The following RNF10 variants were observed in gnomAD, a reference collection of about 807,000 sequenced individuals.
RNF10 encodes ring finger protein 10, also known as E3 ubiquitin-protein ligase RNF10.
A neutral mutation model predicts 91.4 loss-of-function variants in RNF10; 38 were observed. The ratio of observed to expected loss-of-function variants is 0.42; its 90% CI spans 0.32 to 0.54. The LOEUF (loss-of-function observed/expected upper bound fraction) is 0.54, where lower values mean the gene tolerates loss of function less well. Among genes scored for constraint, RNF10 ranks in the 20% least tolerant of loss-of-function variants. The pLI, the probability that RNF10 is intolerant of heterozygous loss-of-function variation, is 0.16. For missense variants in RNF10, 945 were observed against 1,012.0 expected (o/e 0.93, Z 0.90); for synonymous variants, 364 against 366.3 (o/e 0.99, Z 0.07).
intron 6 of RNF10, 83 bp from the exon 7 acceptor site, chr12:120,560,643 G>T: frequency 7.5e-7 from 1 of 1,342,156 alleles, no homozygotes; most frequent in East Asian, 2.3e-5. Context: ...CAGAGAAAAG[G>T]CTGTATTTGA....
At chr12:120,540,735 G>A (rs984572762) in intron 1 of RNF10, among the ~76,000 whole-genome samples, 8 of 152,170 alleles carry the variant, frequency 5.3e-5, no homozygotes, top group African/African-American at 1.9e-4. Context: ...TTTTGGAAAT[G>A]AGCAGTTTAC....
chr12:120,560,929 G>C (rs532645060), intron 7 of RNF10, 43 bp downstream of exon 7: 3 of 1,587,780 alleles, frequency 1.9e-6, no homozygotes, highest in Non-Finnish European at 2.6e-6. Context: ...TCACTTTCTC[G>C]GCGTTCTGTG....
intron 2 of RNF10, among the ~76,000 whole-genome samples, chr12:120,548,388 C>G (rs787830): frequency 0.27 from 40,526 of 151,914 alleles, 6,569 homozygotes; most frequent in Admixed American, 0.39. Flanking sequence ...GATAAGAAAC[C>G]AGCAGAAGAG....
chr12:120,560,723 T>C lies in RNF10; in HGVS notation c.968-3T>C, dbSNP rs770554243. On this transcript the variant is annotated splice_polypyrimidine_tract_variant and splice_region_variant and intron_variant, in intron 6 of 16. Coordinates refer to ENST00000325954, the MANE Select transcript of RNF10 (RefSeq NM_014868.5). ...TTCTTTGATCTTGCTGGCATTCTTA[T>C]AGATGAACAGCACAGCCAGTACTCC... 6.2e-6 allele frequency: 10 copies of C among 1,611,080 alleles called. No individual in the cohort carries two copies. The South Asian group carries it at 6.6e-5, about 11-fold the overall frequency.
chr12:120,571,427 G>C, intron 14 of RNF10, 136 bp downstream of exon 14: 1 of 681,226 alleles, frequency 1.5e-6, no homozygotes, highest in Non-Finnish European at 2.5e-6. Flanking sequence ...TGATGGGTAG[G>C]AGGGAAGTTA....
rs543800765 is a variant in RNF10, at chr12:120,554,441, C to A, written c.555-277C>A. ...TACTGCTGTTTGATGGAGTCACGGT[C>A]TAGGTTAATTTTAGTTCAAGGGATG... On this transcript the variant is annotated intron_variant, in intron 3 of 16. Coordinates refer to ENST00000325954, the MANE Select transcript of RNF10 (RefSeq NM_014868.5). 1.9e-3 allele frequency: 705 copies of A among 363,122 alleles called. 9 individuals carry two copies. The highest frequency in any genetic ancestry group is 0.014 in the African/African-American group (644 of 46,880). The allele number at this position is 363,122 out of a possible 1,614,324, so 22.5% of individuals were successfully genotyped here. A position where few individuals can be genotyped will look rare whatever the true frequency, so the allele number is the denominator to read the frequency against.
intron 14 of RNF10, chr12:120,575,390 T>C (rs1223878175): frequency 3.8e-6 from 2 of 522,500 alleles, no homozygotes; most frequent in Non-Finnish European, 6.9e-6. Context: ...CAGTGTTCTT[T>C]ACCCATTTCC....
intron 6 of RNF10, among the ~76,000 whole-genome samples, chr12:120,558,735 AT>A (rs1032152956): frequency 1.3e-5 from 2 of 150,414 alleles, no homozygotes; most frequent in Non-Finnish European, 1.5e-5. Flanking sequence ...TGCCTGGCTG[AT>A]TTTTTTTGTA....
chr12:120,566,720 C>G, intron 12 of RNF10, 105 bp from the exon 13 acceptor site: 1 of 1,059,648 alleles, frequency 9.4e-7, no homozygotes, highest in Non-Finnish European at 1.4e-6. Flanking sequence ...AGAGATCGTA[C>G]CACTACACTC....
chr12:120,571,236 C>T lies in RNF10; in HGVS notation c.2087C>T (p.Pro696Leu), dbSNP rs149816443. 460 of 1,613,934 alleles carry T rather than the reference C, an allele frequency of 2.9e-4. No homozygotes were observed. Among genetic ancestry groups the T allele is most frequent in the Non-Finnish European group, 3.6e-4 (429 of 1,180,006 alleles). ...PLSPTASQGS[P>L]SFCVGSLEED... ...TCACCCACTGCCAGTCAGGGCAGTC[C>T]CTCATTCTGCGTTGGGAGTCTGGAA... The change falls in exon 14 of 17, where the codon CCC becomes CTC. Residue 696 changes from proline (P) to leucine (L), a missense_variant. Coordinates refer to ENST00000325954, the MANE Select transcript of RNF10 (RefSeq NM_014868.5).
intron 6 of RNF10, among the ~76,000 whole-genome samples, chr12:120,558,577 A>AT (rs57516040): frequency 0.028 from 4,207 of 148,192 alleles, 193 homozygotes; most frequent in African/African-American, 0.099. Context: ...GTATATATAT[A>AT]TTTTTTTTTG....
intron 14 of RNF10, among the ~76,000 whole-genome samples, chr12:120,572,061 G>T (rs1399829797): frequency 6.9e-6 from 1 of 144,026 alleles, no homozygotes. Context: ...TATCTTGACA[G>T]TTTTTTTTTT....
intron 1 of RNF10, among the ~76,000 whole-genome samples, chr12:120,536,392 C>A (rs1178829507): frequency 6.6e-6 from 1 of 152,078 alleles, no homozygotes; most frequent in Admixed American, 6.6e-5. Context: ...ATACTGCATA[C>A]CATCCAGCCT....
chr12:120,569,073 C>T (rs1007028600), intron 13 of RNF10, among the ~76,000 whole-genome samples: 4 of 152,106 alleles, frequency 2.6e-5, no homozygotes, highest in African/African-American at 4.8e-5. Context: ...TGGGTTCAAG[C>T]GATTCTCCTG....
chr12:120,541,204 TA>T (rs564496675), intron 1 of RNF10, among the ~76,000 whole-genome samples: 319 of 152,304 alleles, frequency 2.1e-3, no homozygotes, highest in Non-Finnish European at 3.9e-3. Flanking sequence ...TGGCTTTACC[TA>T]AATCTATGCA....
chr12:120,566,182 C>T (rs924965688), intron 12 of RNF10, among the ~76,000 whole-genome samples: 4 of 152,116 alleles, frequency 2.6e-5, no homozygotes, highest in East Asian at 3.9e-4. Context: ...GTCCCAACAC[C>T]GTGTAGGTGT....
intron 4 of RNF10, 129 bp from the exon 5 acceptor site, chr12:120,557,153 T>C (rs984161080): frequency 3.2e-5 from 24 of 756,246 alleles, no homozygotes; most frequent in South Asian, 1.6e-4. Flanking sequence ...TAGAAAGATA[T>C]GTTGAGTATA....
In RNF10 at chr12:120,576,660, C is replaced by G; in HGVS notation, c.2430C>G (p.Thr810=). The G allele has an allele frequency of 6.2e-7, 1 of 1,613,200 alleles. No homozygotes were observed. Among genetic ancestry groups the G allele is most frequent in the Non-Finnish European group, 8.5e-7 (1 of 1,179,684 alleles). ...KLLFSTSVVH[T]K is the part of the protein sequence containing the mutation. ...TGTTCAGCACCTCAGTCGTCCACAC[C>G]AAGTGACACTACTGGCCCAGGCTAC... The change falls in exon 17 of 17, where the codon ACC becomes ACG. Residue 810 remains threonine (T), a synonymous_variant. Coordinates refer to ENST00000325954, the MANE Select transcript of RNF10 (RefSeq NM_014868.5).
chr12:120,564,974 G>C, intron 10 of RNF10, 98 bp from the exon 11 acceptor site: 1 of 765,072 alleles, frequency 1.3e-6, no homozygotes, highest in Admixed American at 2.0e-5. Flanking sequence ...CCCAGTGCTG[G>C]CTGTGTTATG....
Sources: allele counts gnomAD v4.1 joint callset (sites outside exome capture counted in the v4.1 genomes callset), GRCh38; gene constraint gnomAD v4.1.1; transcripts MANE v1.5; gene names NCBI Gene and HGNC (gene_info 2026-07-23, HGNC 2026-07-21).